Variants in SPG21 observed in about 807,000 individuals in gnomAD.
SPG21 encodes the protein maspardin.
In SPG21, 26 loss-of-function variants were observed where a neutral mutation model predicts 38.9. The observed-to-expected ratio is 0.67, with a 90% confidence interval of 0.49 to 0.93. The LOEUF (loss-of-function observed/expected upper bound fraction) is 0.93, where lower values mean the gene tolerates loss of function less well. Among genes scored for constraint, SPG21 ranks in the 40% least tolerant of loss-of-function variants. SPG21 has a pLI of 0.00. For missense variants in SPG21, 333 were observed against 376.5 expected (o/e 0.88, Z 0.96); for synonymous variants, 136 against 128.9 (o/e 1.05, Z -0.37).
At chr15:64,983,385 C>A in intron 2 of SPG21, 122 bp downstream of exon 2, 1 of 722,100 alleles carries the variant, frequency 1.4e-6, no homozygotes, top group Admixed American at 2.2e-5. Context: ...CCTCTGCAAC[C>A]CACAGTCATG....
chr15:64,976,575 T>A lies in SPG21; in HGVS notation c.226-20A>T, dbSNP rs553749138. ...CTGCAACTGAAATAATAACGATAAT[T>A]TTATTTTTAAAAATCATAAAAGTAA... On this transcript the variant is annotated intron_variant, in intron 3 of 8. Transcript: ENST00000204566. 1 of 1,580,648 alleles carries A rather than the reference T, an allele frequency of 6.3e-7. No homozygotes were observed. Among genetic ancestry groups the A allele is most frequent in the African/African-American group, 1.3e-5 (1 of 74,246 alleles).
intron 6 of SPG21, among the ~76,000 whole-genome samples, chr15:64,969,876 TG>T (rs1186573801): frequency 6.6e-6 from 1 of 152,194 alleles, no homozygotes; most frequent in Non-Finnish European, 1.5e-5. Flanking sequence ...ATGGATGATC[TG>T]CTGTGAGGCC....
Position 64,988,203 on chromosome 15 carries a change from CAG to C in SPG21, c.-25+1460_-25+1461del, listed in dbSNP as rs762691960. ...CACCACTGCACTCCAGCCTGGGCGA[CAG>C]AGTGAGACTCTGTCTCAAAAAACAA... On this transcript the variant is annotated intron_variant, in intron 1 of 8. Transcript: ENST00000204566. 2.0e-3 allele frequency among the ~76,000 whole-genome samples: 298 copies of C among 152,186 alleles called. 1 individual carries two copies. The highest frequency in any genetic ancestry group is 3.4e-3 in the Middle Eastern group (1 of 294).
chr15:64,977,383 G>T (rs562153305), intron 3 of SPG21, among the ~76,000 whole-genome samples: 1 of 150,134 alleles, frequency 6.7e-6, no homozygotes, highest in Non-Finnish European at 1.5e-5. Context: ...TTTGTGATAG[G>T]GTCTCACTCT....
At chr15:64,974,860 T>A in intron 4 of SPG21, 113 bp from the exon 5 acceptor site, 1 of 1,160,312 alleles carries the variant, frequency 8.6e-7, no homozygotes, top group Non-Finnish European at 1.3e-6. Context: ...CACTAGCCAA[T>A]AGACTAAAAT....
intron 5 of SPG21, 24 bp downstream of exon 5, chr15:64,974,577 AC>A (rs767833087): frequency 6.2e-7 from 1 of 1,614,046 alleles, no homozygotes; most frequent in South Asian, 1.1e-5. Flanking sequence ...ATTTCACTGA[AC>A]AAAAAAAGTA....
intron 3 of SPG21, among the ~76,000 whole-genome samples, chr15:64,977,867 G>C (rs1595875702): frequency 6.6e-6 from 1 of 152,002 alleles, no homozygotes; most frequent in African/African-American, 2.4e-5. Flanking sequence ...CTGTCGCCCA[G>C]GCTGGAGTGC....
chr15:64,965,286 C>T, intron 8 of SPG21, 34 bp downstream of exon 8: 2 of 1,614,148 alleles, frequency 1.2e-6, no homozygotes, highest in Non-Finnish European at 1.7e-6. Flanking sequence ...ATATGTTGGG[C>T]TCAGAGTGCT....
chr15:64,963,546 G>C lies in SPG21; in HGVS notation c.*74C>G. ...CCTGACGAACCTGAAGGAAAAGGCTGGCTGACGGGTGCTGATGCCACTGAC... is the reference window on the plus strand; with the variant it reads ...CCTGACGAACCTGAAGGAAAAGGCTCGCTGACGGGTGCTGATGCCACTGAC... On this transcript the variant is annotated 3_prime_UTR_variant, in exon 9 of 9. Coordinates refer to ENST00000204566, the MANE Select transcript of SPG21 (RefSeq NM_016630.7). 1 of 1,286,520 alleles carries C rather than the reference G, an allele frequency of 7.8e-7. No homozygotes were observed. The highest frequency in any genetic ancestry group is 1.1e-6 in the Non-Finnish European group (1 of 886,136). 79.7% of individuals were successfully genotyped at this position (1,286,520 alleles called of 1,614,324 possible). A position where few individuals can be genotyped will look rare whatever the true frequency, so the allele number is the denominator to read the frequency against.
chr15:64,973,739 G>A (rs533572016), intron 5 of SPG21, among the ~76,000 whole-genome samples: 21 of 152,232 alleles, frequency 1.4e-4, no homozygotes, highest in African/African-American at 3.9e-4. Context: ...GTGAGCCACC[G>A]CACCCAGCCT....
At position 64,969,366 on chromosome 15, in the gene SPG21, C is replaced by A; in HGVS notation, c.562-4G>T. Reference sequence around the variant, plus strand: ...CACTCTGACCCAAACTTTCTAGCTGCAGGAAGAAACACAGGTAAAGTTTTT... The same window carrying A: ...CACTCTGACCCAAACTTTCTAGCTGAAGGAAGAAACACAGGTAAAGTTTTT... On this transcript the variant is annotated splice_polypyrimidine_tract_variant and splice_region_variant and intron_variant, in intron 6 of 8. Transcript: ENST00000204566. 2.5e-6 allele frequency: 4 copies of A among 1,588,864 alleles called. No individual in the cohort carries two copies. The highest frequency in any genetic ancestry group is 3.5e-6 in the Non-Finnish European group (4 of 1,157,108).
At chr15:64,974,781 A>T in intron 4 of SPG21, 34 bp from the exon 5 acceptor site, 1 of 1,613,806 alleles carries the variant, frequency 6.2e-7, no homozygotes, top group Non-Finnish European at 8.5e-7. Context: ...AGATTCTGAA[A>T]TACTGATCAA....
rs188339646 is a variant in SPG21, at chr15:64,964,787, C to A, written c.810+533G>T. The stretch of plus-strand genomic sequence containing the variant: ...CTGGGACTACAGGTGTGCACCACCA[C>A]GTCCAGCTAATTTTTTTTGTATTTT... On this transcript the variant is annotated intron_variant, in intron 8 of 8. Transcript: ENST00000204566. Among the ~76,000 whole-genome samples, 867 of 152,002 alleles carry A rather than the reference C, an allele frequency of 5.7e-3. 47 individuals are homozygous for A. In the South Asian group the frequency reaches 0.12, roughly 22 times the overall value.
intron 3 of SPG21, among the ~76,000 whole-genome samples, chr15:64,979,833 T>C (rs964833720): frequency 1.5e-4 from 19 of 123,160 alleles, no homozygotes; most frequent in Non-Finnish European, 2.4e-4. Context: ...TCCTGACCAA[T>C]GTGGAAGCAT....
At chr15:64,983,485 G>A in intron 2 of SPG21, 22 bp downstream of exon 2, 1 of 1,520,914 alleles carries the variant, frequency 6.6e-7, no homozygotes, top group Non-Finnish European at 9.0e-7. Context: ...GCAAATAAGA[G>A]GTATAGTAAA....
chr15:64,982,092 T>A (rs2085895178), intron 2 of SPG21, among the ~76,000 whole-genome samples: 1 of 151,858 alleles, frequency 6.6e-6, no homozygotes, highest in African/African-American at 2.4e-5. Context: ...TATCTCACGC[T>A]CATGTTTTTG....
Position 64,983,235 on chromosome 15 carries a change from C to G in SPG21, c.63+272G>C, listed in dbSNP as rs531295101. The G allele has an allele frequency of 5.3e-5, 10 of 189,438 alleles. No individual in the cohort carries two copies. In the East Asian group the frequency reaches 1.3e-3, roughly 25 times the overall value. 11.7% of individuals were successfully genotyped at this position (189,438 alleles called of 1,614,324 possible). A position where few individuals can be genotyped will look rare whatever the true frequency, so the allele number is the denominator to read the frequency against. On this transcript the variant is annotated intron_variant, in intron 2 of 8. Transcript: ENST00000204566. The stretch of plus-strand genomic sequence containing the variant: ...ATCATGCAGTGCACTGCACTCCAGC[C>G]TGGACGGCAGAGCGAGACTCCATCT...
At chr15:64,971,744 G>A (rs910180799) in intron 5 of SPG21, among the ~76,000 whole-genome samples, 2 of 151,826 alleles carry the variant, frequency 1.3e-5, no homozygotes, top group Non-Finnish European at 2.9e-5. Context: ...GCTGAGGCAG[G>A]AGAATCACTT....
intron 7 of SPG21, among the ~76,000 whole-genome samples, chr15:64,967,067 A>C (rs1595867219): frequency 6.6e-6 from 1 of 152,040 alleles, no homozygotes; most frequent in Non-Finnish European, 1.5e-5. Context: ...AACCAGAAAT[A>C]AGGGTCCAGG....
Sources: allele counts gnomAD v4.1 joint callset (sites outside exome capture counted in the v4.1 genomes callset), GRCh38; gene constraint gnomAD v4.1.1; transcripts MANE v1.5; gene names NCBI Gene and HGNC (gene_info 2026-07-23, HGNC 2026-07-21).